DNAH11: variants seen among roughly 807,000 people sequenced by gnomAD.
DNAH11 encodes the protein axonemal beta dynein heavy chain 11.
DNAH11 carries 442 observed loss-of-function variants against 526.0 expected under a neutral mutation model. The observed-to-expected ratio is 0.84, with a 90% CI of 0.78 to 0.91. The LOEUF (loss-of-function observed/expected upper bound fraction) is 0.91, where lower values mean the gene tolerates loss of function less well. Ranked by LOEUF, DNAH11 falls within the 40% of genes least tolerant of loss-of-function variation. DNAH11 has a pLI of 0.00. For synonymous variants in DNAH11, 2,461 were observed against 1,935.9 expected (o/e 1.27, Z -7.12); for missense variants, 6,989 against 5,448.7 (o/e 1.28, Z -8.90).
chr7:21,651,254 A>C (rs1781757584), intron 28 of DNAH11, among the ~76,000 whole-genome samples: 1 of 152,206 alleles, frequency 6.6e-6, no homozygotes, highest in South Asian at 2.1e-4. Flanking sequence ...CAGCATCTTT[A>C]GGTAGGTAGG....
chr7:21,900,499 A>AGCCTGGAAGAT (rs1471017845), intron 81 of DNAH11, among the ~76,000 whole-genome samples: 1 of 106,168 alleles, frequency 9.4e-6, no homozygotes, highest in East Asian at 2.2e-4. Flanking sequence ...GACTTCTCCA[A>AGCCTGGAAGAT]GCCTGGAAGA....
chr7:21,610,442 AAG>A (rs1785475017), intron 20 of DNAH11, among the ~76,000 whole-genome samples: 1 of 152,150 alleles, frequency 6.6e-6, no homozygotes, highest in Admixed American at 6.5e-5. Flanking sequence ...CTCTGGAAAA[AAG>A]CACTCTCATT....
In DNAH11 at chr7:21,683,842, C is replaced by T. The variant is rs374351807; in HGVS notation, c.5519C>T (p.Thr1840Ile). 5.1e-4 allele frequency: 817 copies of T among 1,613,164 alleles called. 2 individuals carry two copies. The highest frequency in any genetic ancestry group is 6.6e-4 in the Non-Finnish European group (777 of 1,179,548). Residue 1840 changes from threonine (T) to isoleucine (I), a missense_variant, in exon 32 of 82, where the codon ACC (threonine) becomes ATC (isoleucine). By Grantham distance (89) the Thr-to-Ile change is moderately conservative. Coordinates refer to ENST00000409508, the MANE Select transcript of DNAH11 (RefSeq NM_001277115.2). The stretch of plus-strand genomic sequence containing the variant: ...CAACTTCGTCACCGATGGGAGGATA[C>T]CCAGAAACACTGCTTTGTTAATATT... ...LSQLRHRWED[T>I]QKHCFVNICD...
chr7:21,698,691 CCA>C (rs1278815841), intron 36 of DNAH11, among the ~76,000 whole-genome samples: 1 of 152,102 alleles, frequency 6.6e-6, no homozygotes, highest in Non-Finnish European at 1.5e-5. Context: ...TGTATATATA[CCA>C]CAGTTTCTTT....
intron 65 of DNAH11, among the ~76,000 whole-genome samples, chr7:21,834,887 C>A (rs1781935621): frequency 6.6e-6 from 1 of 151,960 alleles, no homozygotes; most frequent in Non-Finnish European, 1.5e-5. Flanking sequence ...ACAAGATCAG[C>A]AAACCTCTAC....
chr7:21,702,605 G>A (rs1784111402), intron 36 of DNAH11, 105 bp from the exon 37 acceptor site: 2 of 827,832 alleles, frequency 2.4e-6, no homozygotes, highest in Admixed American at 2.2e-5. Context: ...ATTAAAGTGT[G>A]TATTTATCTG....
chr7:21,869,035 G>T (rs1450116517), intron 73 of DNAH11, 44 bp downstream of exon 73: 2 of 1,611,624 alleles, frequency 1.2e-6, no homozygotes, highest in Admixed American at 3.3e-5. Context: ...TAAACACAGA[G>T]GAGGGCCAGG....
rs571709285 is a variant in DNAH11, at chr7:21,787,449, C to T, written c.9790C>T (p.Pro3264Ser). Residue 3264 changes from proline (P) to serine (S), a missense_variant, in exon 60 of 82, where the codon CCA (proline) becomes TCA (serine). By Grantham distance (74) the Pro-to-Ser change is moderately conservative. Coordinates refer to ENST00000409508, the MANE Select transcript of DNAH11 (RefSeq NM_001277115.2). ...ALINYDKEHI[P>S]ENCLKVVNEH... ...AATTAACTATGACAAAGAGCACATTCCAGAGAACTGTCTAAAAGTGGTGAA... is the reference window on the plus strand; with the variant it reads ...AATTAACTATGACAAAGAGCACATTTCAGAGAACTGTCTAAAAGTGGTGAA... The T allele has an allele frequency of 2.7e-5, 43 of 1,613,148 alleles. 1 individual carries two copies. In the East Asian group the frequency reaches 9.6e-4, roughly 36 times the overall value.
Position 21,778,997 on chromosome 7 carries a change from G to A in DNAH11, c.9376G>A (p.Glu3126Lys), listed in dbSNP as rs767994393. Residue 3126 changes from glutamate to lysine, a missense_variant, in exon 57 of 82, where the codon GAG becomes AAG. Physicochemically the swap from Glu to Lys is moderately conservative, Grantham distance 56. Coordinates refer to ENST00000409508, the MANE Select transcript of DNAH11 (RefSeq NM_001277115.2). ...AGCCAGACTTGCCTCTCAAGAAGCCGAGCTGCAACTGAGAAATCATGATGC... is the reference window on the plus strand; with the variant it reads ...AGCCAGACTTGCCTCTCAAGAAGCCAAGCTGCAACTGAGAAATCATGATGC... ...LKARLASQEA[E>K]LQLRNHDAEA... 132 of 1,613,180 alleles carry A rather than the reference G, an allele frequency of 8.2e-5. No homozygotes were observed. The highest frequency in any genetic ancestry group is 1.3e-4 in the African/African-American group (10 of 74,884).
At chr7:21,882,863 AAT>A (rs1212016604) in intron 75 of DNAH11, among the ~76,000 whole-genome samples, 2 of 152,230 alleles carry the variant, frequency 1.3e-5, no homozygotes, top group African/African-American at 2.4e-5. Flanking sequence ...TAATTATTTA[AAT>A]AATTATTGAA....
rs970422398 is a variant in DNAH11 at position 21,773,808 on chromosome 7, C to T, written c.9145C>T (p.His3049Tyr). The change falls in exon 56 of 82, where the codon CAC becomes TAC. Residue 3049 changes from histidine (H) to tyrosine (Y), a missense_variant. Coordinates refer to ENST00000409508, the MANE Select transcript of DNAH11 (RefSeq NM_001277115.2). ...DSISLFMAHV[H>Y]TTVNEMSTRY... ...TATTAGCCTTTTCATGGCACATGTT[C>T]ACACCACTGTAAATGAAATGAGTAC... 3.1e-6 allele frequency: 5 copies of T among 1,607,020 alleles called. No individual in the cohort carries two copies. The highest frequency in any genetic ancestry group is 4.2e-6 in the Non-Finnish European group (5 of 1,176,900).
In DNAH11 at chr7:21,892,425, A is replaced by G. The variant is rs2128047606; in HGVS notation, c.12508A>G (p.Thr4170Ala). Residue 4170 changes from threonine to alanine, a missense_variant and splice_region_variant, in exon 77 of 82, where the codon ACT (threonine) becomes GCT (alanine). Physicochemically the swap from Thr to Ala is moderately conservative, Grantham distance 58. Transcript: ENST00000409508. ...YLEEFMNPSL[T>A]EDELMLAPGF... is the part of the protein sequence containing the mutation. Reference sequence around the variant, plus strand: ...ACTGACTTTTCCTTTGTGGTTCAAGACTGAAGATGAACTGATGCTGGCACC... The same window carrying G: ...ACTGACTTTTCCTTTGTGGTTCAAGGCTGAAGATGAACTGATGCTGGCACC... 2 of 1,606,448 alleles carry G rather than the reference A, an allele frequency of 1.2e-6. No individual in the cohort carries two copies. Among genetic ancestry groups the G allele is most frequent in the African/African-American group, 2.7e-5 (2 of 74,912 alleles).
chr7:21,577,635 C>G (rs1331702757), intron 8 of DNAH11, among the ~76,000 whole-genome samples: 1 of 152,108 alleles, frequency 6.6e-6, no homozygotes, highest in Non-Finnish European at 1.5e-5. Flanking sequence ...AACAAGGAGC[C>G]CCGCCCACCC....
At position 21,809,979 on chromosome 7, in the gene DNAH11, G is replaced by A. The variant is rs576325393; in HGVS notation, c.10332+1930G>A. On this transcript the variant is annotated intron_variant, in intron 63 of 81. Coordinates refer to ENST00000409508, the MANE Select transcript of DNAH11 (RefSeq NM_001277115.2). ...AAACTTTAGAGTTATAGTTGGAAAA[G>A]TGCTTTAAACAGAAGTGATAACTGA... 2.6e-5 allele frequency among the ~76,000 whole-genome samples: 4 copies of A among 152,286 alleles called. No individual in the cohort carries two copies. The East Asian group carries it at 7.7e-4, about 29-fold the overall frequency.
chr7:21,626,814 G>A (rs1040036584), intron 25 of DNAH11, among the ~76,000 whole-genome samples: 18 of 131,246 alleles, frequency 1.4e-4, no homozygotes, highest in Non-Finnish European at 2.3e-4. Context: ...ACAGTGGCGT[G>A]ATCTCGGCTC....
chr7:21,627,027 C>T (rs1362960623), intron 25 of DNAH11, among the ~76,000 whole-genome samples: 1 of 152,098 alleles, frequency 6.6e-6, no homozygotes, highest in Non-Finnish European at 1.5e-5. Flanking sequence ...GGATTACAGG[C>T]ATAATCCACA....
At chr7:21,812,901 G>T (rs1789595192) in intron 63 of DNAH11, among the ~76,000 whole-genome samples, 1 of 152,150 alleles carries the variant, frequency 6.6e-6, no homozygotes, top group African/African-American at 2.4e-5. Context: ...CCAGCCTGGG[G>T]TTGACGGCCA....
chr7:21,861,084 G>T (rs567565311), intron 68 of DNAH11, among the ~76,000 whole-genome samples: 1 of 152,192 alleles, frequency 6.6e-6, no homozygotes, highest in East Asian at 1.9e-4. Flanking sequence ...AACCACATCA[G>T]TGAGGTACCT....
chr7:21,691,170 TTTTTTTTC>T lies in DNAH11; in HGVS notation c.6041+297_6041+304del, dbSNP rs146268021. On this transcript the variant is annotated intron_variant, in intron 35 of 81. Transcript: ENST00000409508. ...ATTATAAACATAATCTTTCATAATTTTTTTTTTCTTTTTTTTTTTTTAACAGTCAAAGT... is the reference window on the plus strand; with the variant it reads ...ATTATAAACATAATCTTTCATAATTTTTTTTTTTTTTTTAACAGTCAAAGT... Among the ~76,000 whole-genome samples the T allele has an allele frequency of 0.23, 27,115 of 119,326 alleles. 3,551 individuals carry two copies. The highest frequency in any genetic ancestry group is 0.48 in the African/African-American group (12,965 of 26,902). The allele number at this position is 119,326 out of a possible 152,430, so 78.3% of individuals were successfully genotyped here.
Sources: allele counts gnomAD v4.1 joint callset (sites outside exome capture counted in the v4.1 genomes callset), GRCh38; gene constraint gnomAD v4.1.1; transcripts MANE v1.5; gene names NCBI Gene and HGNC (gene_info 2026-07-23, HGNC 2026-07-21).